The following PLA2G7 variants were observed in gnomAD, a reference collection of about 807,000 sequenced individuals.
PLA2G7 encodes the protein platelet-activating factor acetylhydrolase.
PLA2G7 carries 63 observed loss-of-function variants against 49.6 expected under a neutral mutation model. That is an observed-to-expected ratio of 1.27 (90% CI 1.04 to 1.57). The LOEUF (loss-of-function observed/expected upper bound fraction) is 1.57. PLA2G7 is among the 40% of genes most tolerant of loss of function. PLA2G7 has a pLI of 0.00. For missense variants in PLA2G7, 596 were observed against 521.2 expected (o/e 1.14, Z -1.40); for synonymous variants, 193 against 169.9 (o/e 1.14, Z -1.06).
intron 1 of PLA2G7, among the ~76,000 whole-genome samples, chr6:46,727,276 C>T (rs1421541146): frequency 2.0e-5 from 3 of 152,120 alleles, no homozygotes; most frequent in South Asian, 2.1e-4. Context: ...TTTCCCTTTT[C>T]GAAACAAAAG....
chr6:46,719,786 G>C (rs1003951035), intron 2 of PLA2G7, among the ~76,000 whole-genome samples: 1 of 152,172 alleles, frequency 6.6e-6, no homozygotes, highest in African/African-American at 2.4e-5. Flanking sequence ...TGACACATAA[G>C]GGGTAGACAA....
At chr6:46,720,795 A>C (rs1028093130) in intron 2 of PLA2G7, among the ~76,000 whole-genome samples, 3 of 152,202 alleles carry the variant, frequency 2.0e-5, no homozygotes, top group Non-Finnish European at 4.4e-5. Context: ...TCATTTGTCA[A>C]ATATTCCTGA....
chr6:46,712,468 G>T (rs541127309), intron 5 of PLA2G7, 131 bp from the exon 6 acceptor site: 303 of 683,520 alleles, frequency 4.4e-4, no homozygotes, highest in Non-Finnish European at 3.6e-4. Context: ...GGAGAGCTAC[G>T]GTTCTTAAAG....
intron 2 of PLA2G7, among the ~76,000 whole-genome samples, chr6:46,718,250 A>G (rs987061384): frequency 5.9e-5 from 9 of 152,206 alleles, no homozygotes; most frequent in Admixed American, 2.0e-4. Flanking sequence ...AAATCCTTCA[A>G]TGCCTCCCTA....
chr6:46,715,507 G>A (rs1765174348), intron 4 of PLA2G7, among the ~76,000 whole-genome samples: 1 of 151,992 alleles, frequency 6.6e-6, no homozygotes, highest in African/African-American at 2.4e-5. Context: ...ACATAGTAAG[G>A]GGCTCAAAAA....
At position 46,717,002 on chromosome 6, in the gene PLA2G7, T is replaced by A. The variant is rs150784038; in HGVS notation, c.204A>T (p.Thr68=). ...RGNGPYSVGC[T]DLMFDHTNKG... is the part of the protein sequence containing the mutation. ...TATTAGTGTGATCAAACATTAAGTC[T>A]GTACAACCAACGGAATAAGGCCCAT... Residue 68 remains threonine, a synonymous_variant, in exon 3 of 12, where the codon ACA becomes ACT. Transcript: ENST00000274793. 6 of 1,613,726 alleles carry A rather than the reference T, an allele frequency of 3.7e-6. No individual in the cohort carries two copies. In the African/African-American group the frequency reaches 8.0e-5, roughly 22 times the overall value.
chr6:46,731,177 C>T (rs1765723820), intron 1 of PLA2G7, among the ~76,000 whole-genome samples: 2 of 152,178 alleles, frequency 1.3e-5, no homozygotes, highest in South Asian at 4.1e-4. Flanking sequence ...TGTCCTGTCT[C>T]TGCGAAGAAC....
chr6:46,733,997 A>G (rs1407457401), intron 1 of PLA2G7, among the ~76,000 whole-genome samples: 5 of 152,168 alleles, frequency 3.3e-5, no homozygotes, highest in African/African-American at 1.2e-4. Context: ...TTTATGAGCC[A>G]TACGCACCTC....
rs771678143 is a variant in PLA2G7 at position 46,705,309 on chromosome 6, AG to A, written c.1041-9del. 3.2e-5 allele frequency: 52 copies of A among 1,608,318 alleles called. No homozygotes were observed. Among genetic ancestry groups the A allele is most frequent in the Non-Finnish European group, 4.0e-5 (47 of 1,175,302 alleles). On this transcript the variant is annotated splice_polypyrimidine_tract_variant and intron_variant, in intron 10 of 11. Transcript: ENST00000274793. ...TTCTGGTGGACTGAACCCCTAAAAG[AG>A]AACAAGACATTTAAAAGTCACATTG...
At position 46,716,372 on chromosome 6, in the gene PLA2G7, C is replaced by T. The variant is rs1473250448; in HGVS notation, c.376+12G>A. The T allele has an allele frequency of 5.0e-6, 8 of 1,613,816 alleles. No homozygotes were observed. The highest frequency in any genetic ancestry group is 6.8e-6 in the Non-Finnish European group (8 of 1,179,848). ...GCAAGAGCCTACAAAGAAGGATCAA[C>T]AGAAATCTTACCAAAGAGTAACCTC... On this transcript the variant is annotated intron_variant, in intron 4 of 11. Coordinates refer to ENST00000274793, the MANE Select transcript of PLA2G7 (RefSeq NM_005084.4).
At chr6:46,722,121 G>C (rs998497876) in intron 2 of PLA2G7, among the ~76,000 whole-genome samples, 4 of 152,192 alleles carry the variant, frequency 2.6e-5, no homozygotes, top group African/African-American at 9.6e-5. Flanking sequence ...TCTAAAGATG[G>C]CTGTCCCGTT....
intron 10 of PLA2G7, among the ~76,000 whole-genome samples, chr6:46,707,675 T>C (rs1306092762): frequency 1.3e-5 from 2 of 152,230 alleles, no homozygotes; most frequent in African/African-American, 2.4e-5. Context: ...GCCAGCATCA[T>C]GCTTCCTGTA....
At chr6:46,706,255 T>C (rs1019626355) in intron 10 of PLA2G7, among the ~76,000 whole-genome samples, 2 of 152,218 alleles carry the variant, frequency 1.3e-5, no homozygotes, top group Admixed American at 1.3e-4. Context: ...CAACCCATCA[T>C]TCTTTTAGTC....
intron 6 of PLA2G7, 131 bp from the exon 7 acceptor site, chr6:46,711,750 T>C: frequency 1.1e-6 from 1 of 921,428 alleles, no homozygotes; most frequent in Non-Finnish European, 1.7e-6. Flanking sequence ...ACTCTATATT[T>C]TCTCTTAAAT....
chr6:46,712,803 A>C (rs1361723337), intron 5 of PLA2G7, among the ~76,000 whole-genome samples: 1 of 152,212 alleles, frequency 6.6e-6, no homozygotes, highest in Non-Finnish European at 1.5e-5. Context: ...GCCTAAGAGT[A>C]AAGCATTTGT....
chr6:46,710,153 T>C (rs187265925), intron 8 of PLA2G7, among the ~76,000 whole-genome samples: 1 of 152,274 alleles, frequency 6.6e-6, no homozygotes, highest in Admixed American at 6.5e-5. Context: ...CACACACTTT[T>C]GAGTCTTTGT....
intron 4 of PLA2G7, among the ~76,000 whole-genome samples, chr6:46,716,173 C>T (rs1765193343): frequency 1.3e-5 from 2 of 152,188 alleles, no homozygotes; most frequent in African/African-American, 2.4e-5. Flanking sequence ...CTGATACTCT[C>T]GGCCACTCCC....
At chr6:46,717,787 C>G (rs959743520) in intron 2 of PLA2G7, among the ~76,000 whole-genome samples, 17 of 147,818 alleles carry the variant, frequency 1.2e-4, no homozygotes, top group Admixed American at 3.5e-4. Context: ...TCTTGGCTCA[C>G]TGCAACCTCC....
chr6:46,708,794 A>C (rs896699100), intron 9 of PLA2G7, among the ~76,000 whole-genome samples: 1 of 152,064 alleles, frequency 6.6e-6, no homozygotes, highest in African/African-American at 2.4e-5. Flanking sequence ...GATCCTGCCC[A>C]CTCTCTGTAC....
Sources: gnomAD v4.1 joint callset for allele counts (sites outside exome capture counted in the v4.1 genomes callset) on GRCh38, gnomAD v4.1.1 for gene constraint, MANE v1.5 for transcripts, NCBI Gene and HGNC (gene_info 2026-07-23, HGNC 2026-07-21) for gene names.